TNFRSF11A: variants seen among roughly 807,000 people sequenced by gnomAD.
TNFRSF11A encodes tumor necrosis factor receptor superfamily member 11A.
A neutral mutation model predicts 55.7 loss-of-function variants in TNFRSF11A; 32 were observed. That is an observed-to-expected ratio of 0.57 (90% CI 0.43 to 0.77). The LOEUF (loss-of-function observed/expected upper bound fraction) is 0.77, where lower values mean the gene tolerates loss of function less well. TNFRSF11A is among the 30% of genes least tolerant of loss of function. The pLI, the probability that TNFRSF11A is intolerant of heterozygous loss-of-function variation, is 0.00. For missense variants in TNFRSF11A, 753 were observed against 809.8 expected (o/e 0.93, Z 0.85); for synonymous variants, 311 against 331.0 (o/e 0.94, Z 0.65).
chr18:62,331,447 C>T (rs993220190), intron 1 of TNFRSF11A, among the ~76,000 whole-genome samples: 3 of 152,072 alleles, frequency 2.0e-5, no homozygotes, highest in Non-Finnish European at 4.4e-5. Flanking sequence ...TATTGGGAGG[C>T]AGAGACAAAG....
chr18:62,383,809 C>G lies in TNFRSF11A; in HGVS notation c.1568-942C>G, dbSNP rs376945613. Among the ~76,000 whole-genome samples, 2 of 151,424 alleles carry G rather than the reference C, an allele frequency of 1.3e-5. No homozygotes were observed. Among genetic ancestry groups the G allele is most frequent in the African/African-American group, 4.9e-5 (2 of 41,182 alleles). On this transcript the variant is annotated intron_variant, in intron 9 of 9. Transcript: ENST00000586569. This position sits in a 1 kb window ranked among gnomAD's most constrained non-coding sequence, Gnocchi z 4.2. ...CAGAAGGGAAAAGTGATTTATAGGA[C>G]TTTTTTTTTCTATTTTAGTTTTGTG...
intron 9 of TNFRSF11A, among the ~76,000 whole-genome samples, chr18:62,382,726 T>G (rs768736872): frequency 3.9e-5 from 6 of 152,218 alleles, no homozygotes; most frequent in Non-Finnish European, 7.3e-5. Context: ...TTCTTTCTTT[T>G]TTCTTAGTTT....
Position 62,326,241 on chromosome 18 carries a change from T to A in TNFRSF11A, c.75+814T>A, listed in dbSNP as rs930185953. On this transcript the variant is annotated intron_variant, in intron 1 of 9. Transcript: ENST00000586569. ...CGGCTGGGTCAGATTTCCCCTCTGT[T>A]AACACTAGGTTAGGCTGCTGCCGTC... 2.0e-5 allele frequency among the ~76,000 whole-genome samples: 3 copies of A among 152,198 alleles called. No individual in the cohort carries two copies. In the East Asian group the frequency reaches 5.8e-4, roughly 29 times the overall value.
At position 62,354,443 on chromosome 18, in the gene TNFRSF11A, C is replaced by T. The variant is rs1302537567; in HGVS notation, c.336C>T (p.Cys112=). 8.1e-6 allele frequency: 13 copies of T among 1,599,238 alleles called. No homozygotes were observed. The highest frequency in any genetic ancestry group is 6.7e-5 in the Admixed American group (4 of 59,864). Reference sequence around the variant, plus strand: ...GCAACAGCACGACCCCCCGGCGCTGCGCGTGCACGGCTGGGTACCACTGGA... The same window carrying T: ...GCAACAGCACGACCCCCCGGCGCTGTGCGTGCACGGCTGGGTACCACTGGA... ...VAGNSTTPRR[C]ACTAGYHWSQ... Residue 112 remains cysteine (C), a synonymous_variant, in exon 4 of 10, where the codon TGC becomes TGT. Coordinates refer to ENST00000586569, the MANE Select transcript of TNFRSF11A (RefSeq NM_003839.4).
At chr18:62,347,660 C>G (rs2046403317) in intron 1 of TNFRSF11A, among the ~76,000 whole-genome samples, 1 of 152,108 alleles carries the variant, frequency 6.6e-6, no homozygotes. Flanking sequence ...GGCTTGTAAT[C>G]CCAGCACTTT....
chr18:62,347,853 G>A (rs1344269118), intron 1 of TNFRSF11A, among the ~76,000 whole-genome samples: 1 of 151,524 alleles, frequency 6.6e-6, no homozygotes, highest in East Asian at 1.9e-4. Context: ...GCAGTGAGGT[G>A]AGGTTGCGCC....
chr18:62,350,278 G>A (rs189962693), intron 3 of TNFRSF11A, among the ~76,000 whole-genome samples: 2 of 152,112 alleles, frequency 1.3e-5, no homozygotes, highest in East Asian at 3.9e-4. Context: ...TATTTTATTT[G>A]TTTATTTATT....
chr18:62,334,728 A>G (rs1379561039), intron 1 of TNFRSF11A, among the ~76,000 whole-genome samples: 2 of 152,176 alleles, frequency 1.3e-5, no homozygotes, highest in African/African-American at 2.4e-5. Context: ...TTGATCCCTT[A>G]AAAGACACTT....
chr18:62,342,165 C>G (rs563307253), intron 1 of TNFRSF11A, among the ~76,000 whole-genome samples: 53 of 151,988 alleles, frequency 3.5e-4, no homozygotes, highest in Non-Finnish European at 6.5e-4. Flanking sequence ...CTTTGGGAGG[C>G]TGAGGTGGGC....
At chr18:62,332,078 A>G (rs1424438911) in intron 1 of TNFRSF11A, among the ~76,000 whole-genome samples, 1 of 152,210 alleles carries the variant, frequency 6.6e-6, no homozygotes, top group Non-Finnish European at 1.5e-5. Context: ...AAGACTTTCC[A>G]TGAAAAATGA....
rs1600410188 is a variant in TNFRSF11A, at chr18:62,371,231, G to C, written c.1567+1747G>C. On this transcript the variant is annotated intron_variant, in intron 9 of 9. Coordinates refer to ENST00000586569, the MANE Select transcript of TNFRSF11A (RefSeq NM_003839.4). ...CGAGAAAGCTGACGTTCTGTCTCTG[G>C]CAGCAGCCAGGTCCTGGCCACACTG... Among the ~76,000 whole-genome samples, 6 of 152,344 alleles carry C rather than the reference G, an allele frequency of 3.9e-5. 2 individuals carry two copies. The highest frequency in any genetic ancestry group is 3.9e-4 in the Admixed American group (6 of 15,306).
chr18:62,381,815 T>A (rs938054317), intron 9 of TNFRSF11A, among the ~76,000 whole-genome samples: 2 of 152,206 alleles, frequency 1.3e-5, no homozygotes, highest in African/African-American at 4.8e-5. Flanking sequence ...TTTTAAAAAA[T>A]TGAATGTCCC....
intron 7 of TNFRSF11A, 40 bp downstream of exon 7, chr18:62,361,833 A>G: frequency 6.5e-7 from 1 of 1,540,176 alleles, no homozygotes; most frequent in Non-Finnish European, 9.0e-7. Flanking sequence ...CAATCTTAAA[A>G]GATAGATTTC....
chr18:62,366,357 A>G (rs2145346644), intron 7 of TNFRSF11A, among the ~76,000 whole-genome samples: 1 of 152,336 alleles, frequency 6.6e-6, no homozygotes, highest in East Asian at 1.9e-4. Context: ...ACAGGGGGAA[A>G]GAAAATGGGG....
chr18:62,373,001 C>T (rs1315485675), intron 9 of TNFRSF11A: 1 of 152,174 alleles, frequency 6.6e-6, no homozygotes, highest in Non-Finnish European at 1.5e-5. Flanking sequence ...GGGAGTGGAC[C>T]GTGTGAAAAG....
At chr18:62,345,483 C>T (rs1229806300) in intron 1 of TNFRSF11A, among the ~76,000 whole-genome samples, 1 of 152,092 alleles carries the variant, frequency 6.6e-6, no homozygotes, top group African/African-American at 2.4e-5. Flanking sequence ...AAGCTGGACC[C>T]TAAATGAGAT....
Position 62,384,943 on chromosome 18 carries a change from G to C in TNFRSF11A, c.1760G>C (p.Arg587Pro). ...GACTCCTTCGCGGGGAACGGCCCGC[G>C]CTTCCCGGACCCGTGCGGCGGCCCC... ...RRDSFAGNGP[R>P]FPDPCGGPEG... is the part of the protein sequence containing the mutation. Residue 587 changes from arginine (R) to proline (P), a missense_variant, in exon 10 of 10, where the codon CGC (arginine) becomes CCC (proline). This residue lies in a region of TNFRSF11A where 567 missense variants were observed against 596.7 expected (regional missense o/e 0.95). Coordinates refer to ENST00000586569, the MANE Select transcript of TNFRSF11A (RefSeq NM_003839.4). 1 of 1,538,156 alleles carries C rather than the reference G, an allele frequency of 6.5e-7. No individual in the cohort carries two copies. Among genetic ancestry groups the C allele is most frequent in the South Asian group, 1.2e-5 (1 of 83,756 alleles).
chr18:62,368,493 A>G (rs1359173942), intron 8 of TNFRSF11A, among the ~76,000 whole-genome samples: 1 of 152,046 alleles, frequency 6.6e-6, no homozygotes, highest in Non-Finnish European at 1.5e-5. Context: ...AGATGCAGCT[A>G]CATTCATTTG....
chr18:62,333,069 T>C (rs4941127), intron 1 of TNFRSF11A, among the ~76,000 whole-genome samples: 62,183 of 151,772 alleles, frequency 0.41, 13,621 homozygotes, highest in African/African-American at 0.56. Context: ...AGGGCAGAGG[T>C]GGTGACAGGC....
Sources: allele counts gnomAD v4.1 joint callset (sites outside exome capture counted in the v4.1 genomes callset), GRCh38; gene constraint gnomAD v4.1.1; regional missense constraint gnomAD v4.1.1; non-coding constraint Gnocchi (gnomAD v3.1); transcripts MANE v1.5; gene names NCBI Gene and HGNC (gene_info 2026-07-23, HGNC 2026-07-21).